The following DLC1 variants were observed in gnomAD, a reference collection of about 807,000 sequenced individuals.
The protein encoded by DLC1 is DLC1 Rho GTPase activating protein.
DLC1 carries 54 observed loss-of-function variants against 140.3 expected under a neutral mutation model. The observed-to-expected ratio is 0.38, with a 90% CI of 0.31 to 0.48. DLC1 has a LOEUF of 0.48. Ranked by LOEUF, DLC1 falls within the 20% of genes least tolerant of loss-of-function variation. The pLI is 0.96. For missense variants in DLC1, 2,536 were observed against 1,907.0 expected (o/e 1.33, Z -6.14); for synonymous variants, 986 against 728.1 (o/e 1.35, Z -5.70).
intron 5 of DLC1, among the ~76,000 whole-genome samples, chr8:13,202,574 C>A (rs1827449877): frequency 6.6e-6 from 1 of 152,108 alleles, no homozygotes. Flanking sequence ...TTTATCTTTT[C>A]CCTCCTATTT....
chr8:13,169,409 A>G (rs748639160), intron 5 of DLC1, among the ~76,000 whole-genome samples: 31 of 152,342 alleles, frequency 2.0e-4, no homozygotes, highest in African/African-American at 7.2e-4. Flanking sequence ...AATAATTCCT[A>G]TCTTGTAAGG....
intron 2 of DLC1, among the ~76,000 whole-genome samples, chr8:13,404,251 A>G: frequency 6.6e-6 from 1 of 152,148 alleles, no homozygotes; most frequent in Non-Finnish European, 1.5e-5. Context: ...GAATCTCCAA[A>G]TAGAATGAAA....
At chr8:13,353,708 TTA>T (rs1231789885) in intron 4 of DLC1, among the ~76,000 whole-genome samples, 4 of 152,010 alleles carry the variant, frequency 2.6e-5, no homozygotes, top group Admixed American at 2.0e-4. Flanking sequence ...AATATAAAAG[TTA>T]GCCAGGCCTG....
intron 5 of DLC1, among the ~76,000 whole-genome samples, chr8:13,214,998 C>G (rs940471562): frequency 1.3e-5 from 2 of 152,156 alleles, no homozygotes; most frequent in African/African-American, 4.8e-5. Context: ...ATATGTGCCT[C>G]TTATTAATTC....
intron 2 of DLC1, among the ~76,000 whole-genome samples, chr8:13,457,978 A>G (rs1335389446): frequency 6.6e-6 from 1 of 152,196 alleles, no homozygotes; most frequent in African/African-American, 2.4e-5. Context: ...AAAGTATAGA[A>G]TAGGTTCAAG....
chr8:13,382,041 A>C (rs1836284427), intron 4 of DLC1, among the ~76,000 whole-genome samples: 1 of 152,106 alleles, frequency 6.6e-6, no homozygotes, highest in Admixed American at 6.6e-5. Context: ...AAAAATAAAG[A>C]AAGTGTTATT....
chr8:13,599,484 A>G (rs962547102), intron 1 of DLC1, among the ~76,000 whole-genome samples: 2 of 152,020 alleles, frequency 1.3e-5, no homozygotes, highest in African/African-American at 4.8e-5. Context: ...ATTCCAGATG[A>G]ATAAAAAGAC....
chr8:13,442,859 T>C (rs1798586098), intron 2 of DLC1, among the ~76,000 whole-genome samples: 1 of 152,190 alleles, frequency 6.6e-6, no homozygotes. Context: ...ACTGGGTGTA[T>C]ACCAAAAGGA....
chr8:13,180,174 G>C (rs528520323), intron 5 of DLC1, among the ~76,000 whole-genome samples: 4 of 152,314 alleles, frequency 2.6e-5, no homozygotes, highest in African/African-American at 9.6e-5. Context: ...CAGACTTACT[G>C]TCTTTAGTGC....
intron 1 of DLC1, among the ~76,000 whole-genome samples, chr8:13,594,771 A>G (rs928986759): frequency 1.9e-4 from 29 of 151,990 alleles, no homozygotes; most frequent in African/African-American, 7.0e-4. Context: ...TATTTACAAT[A>G]TGGAGATTGT....
intron 1 of DLC1, among the ~76,000 whole-genome samples, chr8:13,592,909 T>C (rs1805565951): frequency 6.6e-6 from 1 of 152,164 alleles, no homozygotes; most frequent in Non-Finnish European, 1.5e-5. Context: ...ATCCCAGAAA[T>C]CTTACTGAGT....
At chr8:13,156,124 T>C (rs1824235535) in intron 5 of DLC1, among the ~76,000 whole-genome samples, 1 of 152,188 alleles carries the variant, frequency 6.6e-6, no homozygotes, top group Non-Finnish European at 1.5e-5. Flanking sequence ...GCGACAGTAT[T>C]CAAGATTAAT....
intron 5 of DLC1, among the ~76,000 whole-genome samples, chr8:13,152,781 C>G (rs1442536): frequency 0.37 from 53,291 of 142,850 alleles, 10,344 homozygotes; most frequent in East Asian, 0.55. Flanking sequence ...CTTGCCACTG[C>G]ACTCTAGCCT....
At position 13,508,418 on chromosome 8, in the gene DLC1, T is replaced by C. The variant is rs979951130; in HGVS notation, c.-126+6184A>G. 4.9e-4 allele frequency among the ~76,000 whole-genome samples: 21 copies of C among 43,084 alleles called. 1 individual carries two copies. In the South Asian group the frequency reaches 9.4e-3, roughly 19 times the overall value. 28.3% of individuals were successfully genotyped at this position (43,084 alleles called of 152,430 possible). A position where few individuals can be genotyped will look rare whatever the true frequency, so the allele number is the denominator to read the frequency against. On this transcript the variant is annotated intron_variant, in intron 1 of 17. Transcript: ENST00000276297. ...ATTGCTTTATGGATGTAGTAACTTC[T>C]TTTTCTTTTTTTTTTTTGAGACGGA... is the stretch of plus-strand genomic sequence containing the variant.
At chr8:13,206,461 C>T (rs1014846483) in intron 5 of DLC1, among the ~76,000 whole-genome samples, 4 of 152,016 alleles carry the variant, frequency 2.6e-5, no homozygotes, top group South Asian at 2.1e-4. Flanking sequence ...GGAATATGAA[C>T]GATTACCTTC....
intron 2 of DLC1, among the ~76,000 whole-genome samples, chr8:13,454,953 T>C (rs551077635): frequency 6.6e-6 from 1 of 152,282 alleles, no homozygotes; most frequent in East Asian, 1.9e-4. Context: ...TGTTTGGGAC[T>C]TCTTTGAAAT....
chr8:13,156,639 C>G (rs1016112987), intron 5 of DLC1, among the ~76,000 whole-genome samples: 1 of 152,116 alleles, frequency 6.6e-6, no homozygotes, highest in Non-Finnish European at 1.5e-5. Context: ...GGGTGGGTGT[C>G]CACATTTATA....
At chr8:13,262,519 C>A (rs1402646891) in intron 5 of DLC1, among the ~76,000 whole-genome samples, 1 of 151,976 alleles carries the variant, frequency 6.6e-6, no homozygotes, top group African/African-American at 2.4e-5. Context: ...ACCAATATTG[C>A]CAGGAAACTA....
chr8:13,546,800 C>G, intron 1 of DLC1, among the ~76,000 whole-genome samples: 1 of 152,044 alleles, frequency 6.6e-6, no homozygotes, highest in Non-Finnish European at 1.5e-5. Context: ...TTTCTATTTT[C>G]TGTATTTCAC....
Sources: gnomAD v4.1 joint callset for allele counts (sites outside exome capture counted in the v4.1 genomes callset) on GRCh38, gnomAD v4.1.1 for gene constraint, MANE v1.5 for transcripts, NCBI Gene and HGNC (gene_info 2026-07-23, HGNC 2026-07-21) for gene names.